SLC5A12: variants seen among roughly 807,000 people sequenced by gnomAD.
SLC5A12 encodes the protein solute carrier family 5 member 12, also known as sodium-coupled monocarboxylate transporter 2.
A neutral mutation model predicts 72.7 loss-of-function variants in SLC5A12; 46 were observed. The observed-to-expected ratio is 0.63, with a 90% CI of 0.50 to 0.81. SLC5A12 has a LOEUF of 0.81. Among genes scored for constraint, SLC5A12 ranks in the 30% least tolerant of loss-of-function variants. The probability of loss-of-function intolerance (pLI) is 0.00; values close to 1 mark genes in which losing one functional copy is unlikely to be tolerated. For synonymous variants in SLC5A12, 275 were observed against 264.4 expected (o/e 1.04, Z -0.39); for missense variants, 683 against 740.7 (o/e 0.92, Z 0.90).
At chr11:26,699,657 A>G (rs191566450) in intron 6 of SLC5A12, among the ~76,000 whole-genome samples, 19 of 151,876 alleles carry the variant, frequency 1.3e-4, no homozygotes, top group African/African-American at 3.1e-4. Flanking sequence ...CATTAGTTGT[A>G]CTCTTGCTGT....
chr11:26,711,466 C>T, intron 2 of SLC5A12, 108 bp from the exon 3 acceptor site: 5 of 833,950 alleles, frequency 6.0e-6, no homozygotes, highest in Non-Finnish European at 1.0e-5. Context: ...TCAACTTGTT[C>T]ATGAAACATT....
At chr11:26,702,553 G>C (rs1027944003) in intron 6 of SLC5A12, among the ~76,000 whole-genome samples, 2 of 152,116 alleles carry the variant, frequency 1.3e-5, no homozygotes, top group African/African-American at 4.8e-5. Context: ...ATGCAGTTCT[G>C]GCTTATTTCT....
rs571375460 is a variant in SLC5A12 at position 26,693,268 on chromosome 11, T to C, written c.1041-667A>G. ...ATCCATGCAAAGTGGGAAAAAGATGTTGTAGGATGAAGGAAAAATTACGTA... is the reference window on the plus strand; with the variant it reads ...ATCCATGCAAAGTGGGAAAAAGATGCTGTAGGATGAAGGAAAAATTACGTA... On this transcript the variant is annotated intron_variant, in intron 8 of 14. Coordinates refer to ENST00000396005, the MANE Select transcript of SLC5A12 (RefSeq NM_178498.4). Among the ~76,000 whole-genome samples the C allele has an allele frequency of 2.6e-5, 4 of 152,250 alleles. No individual in the cohort carries two copies. The South Asian group carries it at 8.3e-4, about 32-fold the overall frequency.
chr11:26,721,128 G>A (rs999519396), intron 1 of SLC5A12, among the ~76,000 whole-genome samples: 1 of 152,110 alleles, frequency 6.6e-6, no homozygotes, highest in East Asian at 1.9e-4. Flanking sequence ...CATACATTAA[G>A]TGCTCACATA....
chr11:26,692,356 G>C (rs1324950768), intron 9 of SLC5A12, 133 bp downstream of exon 9: 2 of 650,352 alleles, frequency 3.1e-6, no homozygotes, highest in African/African-American at 1.8e-5. Context: ...AAGAATCTAT[G>C]TGTGGGATTC....
At chr11:26,686,195 CTAATTT>C (rs1854528860) in intron 10 of SLC5A12, among the ~76,000 whole-genome samples, 1 of 152,112 alleles carries the variant, frequency 6.6e-6, no homozygotes, top group Non-Finnish European at 1.5e-5. Flanking sequence ...TTAAGAGTTT[CTAATTT>C]TATCTCACTA....
At chr11:26,688,182 T>A (rs1177867377) in intron 9 of SLC5A12, among the ~76,000 whole-genome samples, 1 of 152,208 alleles carries the variant, frequency 6.6e-6, no homozygotes, top group Admixed American at 6.5e-5. Flanking sequence ...AGGAGAAATT[T>A]GTGGAAATTT....
intron 1 of SLC5A12, 82 bp downstream of exon 1, chr11:26,721,294 A>C: frequency 9.8e-7 from 1 of 1,025,344 alleles, no homozygotes; most frequent in East Asian, 2.5e-5. Flanking sequence ...CCTGAAAATC[A>C]GTGAGTGTTC....
intron 6 of SLC5A12, among the ~76,000 whole-genome samples, chr11:26,702,131 C>T (rs1361523613): frequency 6.6e-5 from 10 of 152,104 alleles, no homozygotes; most frequent in South Asian, 4.1e-4. Flanking sequence ...ATGAAATTTT[C>T]GGATCAAAGT....
intron 13 of SLC5A12, among the ~76,000 whole-genome samples, chr11:26,675,724 T>C (rs569306838): frequency 6.6e-6 from 1 of 152,268 alleles, no homozygotes; most frequent in East Asian, 1.9e-4. Context: ...ACTGACTCCA[T>C]GAGCAGAATG....
chr11:26,674,639 G>A (rs1026537508), intron 13 of SLC5A12, among the ~76,000 whole-genome samples: 3 of 152,078 alleles, frequency 2.0e-5, no homozygotes, highest in Non-Finnish European at 2.9e-5. Context: ...CTGACCTCAG[G>A]TGATCTGCCC....
chr11:26,678,694 G>A lies in SLC5A12; in HGVS notation c.1579+18C>T, dbSNP rs1303337492. The stretch of plus-strand genomic sequence containing the variant: ...GCCCATATCTTCTTTAGTCCCAAAG[G>A]GAGGAATTATAACCAACCTGTTATG... On this transcript the variant is annotated intron_variant, in intron 13 of 14. Transcript: ENST00000396005. 3 of 1,585,710 alleles carry A rather than the reference G, an allele frequency of 1.9e-6. No homozygotes were observed. In the African/African-American group the frequency reaches 4.1e-5, roughly 21 times the overall value.
chr11:26,682,845 CAAG>C (rs1322233490), intron 11 of SLC5A12, among the ~76,000 whole-genome samples: 1 of 152,066 alleles, frequency 6.6e-6, no homozygotes, highest in Non-Finnish European at 1.5e-5. Context: ...CAATATCAGA[CAAG>C]TGATTAAGAC....
chr11:26,671,401 T>C (rs949436092), intron 14 of SLC5A12, 150 bp from the exon 15 acceptor site: 3 of 558,464 alleles, frequency 5.4e-6, no homozygotes, highest in Non-Finnish European at 9.1e-6. Context: ...ATTTTCTAAT[T>C]GATAACTTTG....
At chr11:26,676,652 C>T (rs1362740853) in intron 13 of SLC5A12, among the ~76,000 whole-genome samples, 2 of 152,086 alleles carry the variant, frequency 1.3e-5, no homozygotes, top group South Asian at 2.1e-4. Flanking sequence ...ATTTTCATTT[C>T]ACATATCTAA....
At chr11:26,713,100 C>T (rs556474727) in intron 1 of SLC5A12, among the ~76,000 whole-genome samples, 1 of 152,194 alleles carries the variant, frequency 6.6e-6, no homozygotes, top group South Asian at 2.1e-4. Flanking sequence ...CAATTGATCT[C>T]CCTAATACCA....
chr11:26,678,564 T>C, intron 13 of SLC5A12, 148 bp downstream of exon 13: 2 of 598,798 alleles, frequency 3.3e-6, no homozygotes, highest in East Asian at 5.5e-5. Flanking sequence ...TGCCTTTGTA[T>C]GTCAGCGTTG....
At chr11:26,704,693 T>A (rs942828118) in intron 4 of SLC5A12, among the ~76,000 whole-genome samples, 2 of 152,058 alleles carry the variant, frequency 1.3e-5, no homozygotes, top group Non-Finnish European at 2.9e-5. Context: ...AAGGTAGAGA[T>A]GAAAAGAAGT....
intron 6 of SLC5A12, among the ~76,000 whole-genome samples, chr11:26,699,513 G>A (rs1263786331): frequency 6.6e-6 from 1 of 152,074 alleles, no homozygotes; most frequent in Non-Finnish European, 1.5e-5. Context: ...TCACAGTTTA[G>A]AAGAAGTTTT....
Sources: allele counts gnomAD v4.1 joint callset (sites outside exome capture counted in the v4.1 genomes callset), GRCh38; gene constraint gnomAD v4.1.1; transcripts MANE v1.5; gene names NCBI Gene and HGNC (gene_info 2026-07-23, HGNC 2026-07-21).